The following PALD1 variants were observed in gnomAD, a reference collection of about 807,000 sequenced individuals.
PALD1 encodes the protein phosphatase domain containing paladin 1.
A neutral mutation model predicts 96.0 loss-of-function variants in PALD1; 57 were observed. The ratio of observed to expected loss-of-function variants is 0.59; its 90% CI spans 0.48 to 0.74. The LOEUF (loss-of-function observed/expected upper bound fraction) is 0.74. Ranked by LOEUF, PALD1 falls within the 30% of genes least tolerant of loss-of-function variation. PALD1 has a pLI of 0.00. For missense variants in PALD1, 1,063 were observed against 1,143.7 expected (o/e 0.93, Z 1.02); for synonymous variants, 464 against 473.6 (o/e 0.98, Z 0.26).
In PALD1 at chr10:70,541,261, G is replaced by A. The variant is rs897965727; in HGVS notation, c.2049+19G>A. The A allele has an allele frequency of 1.3e-6, 2 of 1,594,038 alleles. No individual in the cohort carries two copies. The highest frequency in any genetic ancestry group is 1.3e-5 in the African/African-American group (1 of 74,384). ...CATCCAAGTACGTGTGGCCTCTCAA[G>A]TGAGATTAGAGATTTGCCTGGAGGA... On this transcript the variant is annotated intron_variant, in intron 16 of 19. Coordinates refer to ENST00000263563, the MANE Select transcript of PALD1 (RefSeq NM_014431.3).
chr10:70,502,054 C>T (rs1345070909), intron 1 of PALD1, among the ~76,000 whole-genome samples: 1 of 151,850 alleles, frequency 6.6e-6, no homozygotes, highest in Non-Finnish European at 1.5e-5. Flanking sequence ...ATCCCAGTGC[C>T]CTGGGAGACT....
chr10:70,537,609 T>C (rs960256797), intron 10 of PALD1, among the ~76,000 whole-genome samples: 13 of 152,128 alleles, frequency 8.5e-5, no homozygotes, highest in African/African-American at 3.1e-4. Context: ...CCCACATATC[T>C]CCCCTGACCG....
chr10:70,513,517 C>CA (rs143014305), intron 1 of PALD1, among the ~76,000 whole-genome samples: 4,655 of 151,198 alleles, frequency 0.031, 245 homozygotes, highest in African/African-American at 0.1. Flanking sequence ...CTCAAAAGAT[C>CA]AAAAAAAAGG....
At chr10:70,507,584 G>A (rs1846416018) in intron 1 of PALD1, among the ~76,000 whole-genome samples, 1 of 152,148 alleles carries the variant, frequency 6.6e-6, no homozygotes, top group Non-Finnish European at 1.5e-5. Flanking sequence ...ACCTTGCCTG[G>A]CTAATTTTTG....
At chr10:70,497,603 A>G (rs1846217561) in intron 1 of PALD1, among the ~76,000 whole-genome samples, 1 of 148,682 alleles carries the variant, frequency 6.7e-6, no homozygotes, top group Non-Finnish European at 1.5e-5. Flanking sequence ...TCGCTCTGTC[A>G]CCCTGGCTGG....
chr10:70,486,797 G>T (rs770166697), intron 1 of PALD1, among the ~76,000 whole-genome samples: 6 of 152,112 alleles, frequency 3.9e-5, no homozygotes, highest in Non-Finnish European at 7.4e-5. Flanking sequence ...AACCTCATCA[G>T]CCTGATCTGA....
chr10:70,508,194 C>G (rs1403333971), intron 1 of PALD1, among the ~76,000 whole-genome samples: 1 of 152,188 alleles, frequency 6.6e-6, no homozygotes, highest in Non-Finnish European at 1.5e-5. Context: ...GACGGCCCAG[C>G]CTTGTTGTTT....
At chr10:70,478,319 G>C (rs563658752), upstream of PALD1, among the ~76,000 whole-genome samples, 176 of 152,324 alleles carry the variant, frequency 1.2e-3, no homozygotes, top group African/African-American at 4.0e-3. Context: ...GGCCGGCCCG[G>C]AGCCCGGATG....
At chr10:70,504,037 G>A (rs913708014) in intron 1 of PALD1, among the ~76,000 whole-genome samples, 4 of 152,186 alleles carry the variant, frequency 2.6e-5, no homozygotes, top group African/African-American at 7.2e-5. Context: ...AAGTTAACCC[G>A]GACCATCTGG....
chr10:70,515,494 C>T (rs1220103323), intron 1 of PALD1, among the ~76,000 whole-genome samples: 2 of 152,340 alleles, frequency 1.3e-5, no homozygotes, highest in South Asian at 2.1e-4. Context: ...GCTGGCCATT[C>T]ACAGATGGCG....
intron 2 of PALD1, among the ~76,000 whole-genome samples, chr10:70,527,159 T>C (rs1171217751): frequency 1.3e-5 from 2 of 152,236 alleles, no homozygotes; most frequent in Non-Finnish European, 2.9e-5. Context: ...GGCCTGGTTC[T>C]GCCCTTGCTT....
intron 18 of PALD1, among the ~76,000 whole-genome samples, chr10:70,555,459 G>A (rs999305715): frequency 6.6e-6 from 1 of 151,588 alleles, no homozygotes; most frequent in Non-Finnish European, 1.5e-5. Flanking sequence ...TCCCTTTTCT[G>A]CCGCTGTGGC....
chr10:70,513,160 C>T (rs1389953361), intron 1 of PALD1, among the ~76,000 whole-genome samples: 2 of 152,074 alleles, frequency 1.3e-5, no homozygotes, highest in Non-Finnish European at 2.9e-5. Flanking sequence ...ATTTTTTAAC[C>T]CCCATTTTTT....
chr10:70,465,284 C>G, the PALD1 span, among the ~76,000 whole-genome samples: 1 of 152,154 alleles, frequency 6.6e-6, no homozygotes, highest in Non-Finnish European at 1.5e-5. Flanking sequence ...TCTACATACA[C>G]TTTTAAGTAG....
intron 1 of PALD1, among the ~76,000 whole-genome samples, chr10:70,525,611 G>A (rs1846841775): frequency 6.6e-6 from 1 of 152,084 alleles, no homozygotes; most frequent in Non-Finnish European, 1.5e-5. Flanking sequence ...GCCCTGACCT[G>A]CTGTGGATGA....
At chr10:70,532,532 G>C in intron 5 of PALD1, 89 bp from the exon 6 acceptor site, 1 of 1,357,854 alleles carries the variant, frequency 7.4e-7, no homozygotes, top group Non-Finnish European at 1.0e-6. Flanking sequence ...GCCTCTGCAT[G>C]GTCTGGTCAC....
intron 18 of PALD1, among the ~76,000 whole-genome samples, chr10:70,552,268 T>C (rs1847497390): frequency 6.6e-6 from 1 of 152,232 alleles, no homozygotes; most frequent in African/African-American, 2.4e-5. Flanking sequence ...TTCCATGCAG[T>C]GAGTGGAAGT....
chr10:70,529,589 C>G (rs542326578), intron 3 of PALD1, among the ~76,000 whole-genome samples: 1 of 152,252 alleles, frequency 6.6e-6, no homozygotes, highest in Non-Finnish European at 1.5e-5. Context: ...GAGAGCCTCT[C>G]CCTGCTCTTT....
chr10:70,491,153 G>A (rs774436860), intron 1 of PALD1, among the ~76,000 whole-genome samples: 13 of 152,172 alleles, frequency 8.5e-5, no homozygotes, highest in Non-Finnish European at 1.0e-4. Context: ...CACCATGTTA[G>A]CCAGGATGGT....
Sources: allele counts gnomAD v4.1 joint callset (sites outside exome capture counted in the v4.1 genomes callset), GRCh38; gene constraint gnomAD v4.1.1; transcripts MANE v1.5; gene names NCBI Gene and HGNC (gene_info 2026-07-23, HGNC 2026-07-21).